PLD1: variants seen among roughly 807,000 people sequenced by gnomAD.
The protein encoded by PLD1 is choline phosphatase 1.
Under a neutral mutation model 137.1 loss-of-function variants are expected in PLD1, and 112 were observed. The observed-to-expected ratio is 0.82, with a 90% CI of 0.70 to 0.96. The LOEUF is 0.96. PLD1 is among the 40% of genes least tolerant of loss of function. The pLI, the probability that PLD1 is intolerant of heterozygous loss-of-function variation, is 0.00. For synonymous variants in PLD1, 431 were observed against 454.7 expected, an observed-to-expected ratio of 0.95 and a Z score of 0.66; for missense variants, 1,321 against 1,342.0, an observed-to-expected ratio of 0.98 and a Z score of 0.24.
At chr3:171,782,810 TAAAGAAGG>T (rs1722844361) in intron 1 of PLD1, among the ~76,000 whole-genome samples, 1 of 152,108 alleles carries the variant, frequency 6.6e-6, no homozygotes, top group Non-Finnish European at 1.5e-5. Context: ...GAGGTATTTG[TAAAGAAGG>T]AAGACATTAT....
At chr3:171,756,580 G>C (rs1721049185) in intron 1 of PLD1, among the ~76,000 whole-genome samples, 1 of 152,162 alleles carries the variant, frequency 6.6e-6, no homozygotes, top group Admixed American at 6.5e-5. Context: ...GGGTAATGAA[G>C]AACATGCCAG....
chr3:171,747,000 T>C (rs953633833), intron 1 of PLD1, among the ~76,000 whole-genome samples: 1 of 152,206 alleles, frequency 6.6e-6, no homozygotes, highest in Non-Finnish European at 1.5e-5. Flanking sequence ...GTTTTACTTC[T>C]CAGGCCAGCA....
chr3:171,706,724 T>C (rs1184351763), intron 11 of PLD1, among the ~76,000 whole-genome samples: 3 of 152,226 alleles, frequency 2.0e-5, no homozygotes, highest in Non-Finnish European at 4.4e-5. Flanking sequence ...TGCAATATGC[T>C]TGTACAACAA....
intron 1 of PLD1, among the ~76,000 whole-genome samples, chr3:171,756,462 C>G (rs1721035320): frequency 6.6e-6 from 1 of 152,068 alleles, no homozygotes; most frequent in Non-Finnish European, 1.5e-5. Context: ...TTAATGGGAC[C>G]ACCAGAATTC....
rs1263892407 is a variant in PLD1 at position 171,628,575 on chromosome 3, A to C, written c.2594-8055T>G. On this transcript the variant is annotated intron_variant, in intron 23 of 26. Coordinates refer to ENST00000351298, the MANE Select transcript of PLD1 (RefSeq NM_002662.5). ...CACAACCAAAAAAGAGAATTTTAGAACAATATCCTTGATGAACATTGATGC... is the reference window on the plus strand; with the variant it reads ...CACAACCAAAAAAGAGAATTTTAGACCAATATCCTTGATGAACATTGATGC... Among the ~76,000 whole-genome samples, 6 of 151,734 alleles carry C rather than the reference A, an allele frequency of 4.0e-5. No individual in the cohort carries two copies. In the South Asian group the frequency reaches 8.4e-4, roughly 21 times the overall value.
intron 5 of PLD1, among the ~76,000 whole-genome samples, chr3:171,734,185 G>A (rs143855263): frequency 3.3e-5 from 5 of 152,242 alleles, no homozygotes; most frequent in African/African-American, 7.2e-5. Flanking sequence ...AAAATATTTG[G>A]TCCAGATGCC....
intron 18 of PLD1, among the ~76,000 whole-genome samples, chr3:171,676,353 C>T (rs993027015): frequency 2.0e-5 from 3 of 151,830 alleles, no homozygotes; most frequent in African/African-American, 7.3e-5. Context: ...AAGCTCAAGC[C>T]CTCTCATCTA....
In PLD1 at chr3:171,676,846, AC is replaced by A; in HGVS notation, c.1997-14del. On this transcript the variant is annotated splice_polypyrimidine_tract_variant and intron_variant, in intron 17 of 26. Transcript: ENST00000351298. ...CTGTCAATGAAATCTGCCCGGGTGCACCAGGCAAGGATCAGTCATTAACTTC... is the reference window on the plus strand; with the variant it reads ...CTGTCAATGAAATCTGCCCGGGTGCACAGGCAAGGATCAGTCATTAACTTC... 1 of 1,567,992 alleles carries A rather than the reference AC, an allele frequency of 6.4e-7. No individual in the cohort carries two copies.
chr3:171,732,909 C>T (rs1470419302), intron 6 of PLD1, among the ~76,000 whole-genome samples: 1 of 152,178 alleles, frequency 6.6e-6, no homozygotes, highest in Non-Finnish European at 1.5e-5. Context: ...AGCCCCATCG[C>T]CTCTTCTTTC....
At chr3:171,727,928 T>C (rs1015721618) in intron 6 of PLD1, among the ~76,000 whole-genome samples, 3 of 152,234 alleles carry the variant, frequency 2.0e-5, no homozygotes, top group African/African-American at 7.2e-5. Flanking sequence ...AAAATAGGTC[T>C]TTAAAATTCA....
At position 171,735,501 on chromosome 3, in the gene PLD1, G is replaced by C. The variant is rs866028427; in HGVS notation, c.425C>G (p.Pro142Arg). The change falls in exon 4 of 27, where the codon CCC becomes CGC. Residue 142 changes from proline (P) to arginine (R), a missense_variant. Physicochemically the swap from Pro to Arg is moderately radical, Grantham distance 103. Transcript: ENST00000351298. The part of the protein sequence containing the change: ...KYKAFIRIPI[P>R]TRRHTFRRQN... Reference sequence around the variant, plus strand: ...ATTCCAAAATGGTTACCTTCTAGTGGGAATGGGGATGCGGATAAAGGCTTT... The same window carrying C: ...ATTCCAAAATGGTTACCTTCTAGTGCGAATGGGGATGCGGATAAAGGCTTT... 6.2e-7 allele frequency: 1 copy of C among 1,613,076 alleles called. No individual in the cohort carries two copies. Among genetic ancestry groups the C allele is most frequent in the Non-Finnish European group, 8.5e-7 (1 of 1,179,218 alleles).
At chr3:171,766,723 C>G (rs1722001136) in intron 1 of PLD1, among the ~76,000 whole-genome samples, 1 of 152,112 alleles carries the variant, frequency 6.6e-6, no homozygotes, top group African/African-American at 2.4e-5. Context: ...AAATTTAAAT[C>G]TATTGACTTT....
intron 23 of PLD1, 68 bp from the exon 24 acceptor site, chr3:171,620,588 T>C (rs1390370333): frequency 9.6e-6 from 9 of 933,194 alleles, no homozygotes; most frequent in East Asian, 2.5e-5. Flanking sequence ...TTAAATCTTA[T>C]TGTTTCTCAA....
At chr3:171,605,438 C>T (rs754918322) in intron 25 of PLD1, 22 bp from the exon 26 acceptor site, 27 of 1,329,506 alleles carry the variant, frequency 2.0e-5, no homozygotes, top group Non-Finnish European at 2.8e-5. Flanking sequence ...GTGACCTCCA[C>T]ATTGAGTAAC....
chr3:171,685,755 T>G (rs1026977974), intron 16 of PLD1, among the ~76,000 whole-genome samples: 1 of 152,220 alleles, frequency 6.6e-6, no homozygotes, highest in Non-Finnish European at 1.5e-5. Context: ...GAGTATCTTC[T>G]TACCAAAGGC....
chr3:171,604,274 A>G (rs1285148405), intron 26 of PLD1, among the ~76,000 whole-genome samples: 1 of 150,874 alleles, frequency 6.6e-6, no homozygotes, highest in Admixed American at 6.6e-5. Context: ...AGATCATGCC[A>G]CTGCACTCCA....
chr3:171,733,738 T>A (rs1485439573), intron 5 of PLD1, among the ~76,000 whole-genome samples: 1 of 152,244 alleles, frequency 6.6e-6, no homozygotes, highest in South Asian at 2.1e-4. Flanking sequence ...ACTTTCCATA[T>A]GCTTAGGTCT....
At chr3:171,604,024 C>T (rs1418342220) in intron 26 of PLD1, among the ~76,000 whole-genome samples, 1 of 152,062 alleles carries the variant, frequency 6.6e-6, no homozygotes, top group Admixed American at 6.6e-5. Context: ...GGCCTTCGGT[C>T]CATGAAATAA....
Position 171,712,805 on chromosome 3 carries a change from T to C in PLD1, c.911+1088A>G, listed in dbSNP as rs184663094. Reference sequence around the variant, plus strand: ...GTGGCCAGACTTCTGTGGCTCACTGTAAAACAGGAATGCAGGAGGAAGGTG... The same window carrying C: ...GTGGCCAGACTTCTGTGGCTCACTGCAAAACAGGAATGCAGGAGGAAGGTG... On this transcript the variant is annotated intron_variant, in intron 9 of 26. Coordinates refer to ENST00000351298, the MANE Select transcript of PLD1 (RefSeq NM_002662.5). Among the ~76,000 whole-genome samples the C allele has an allele frequency of 5.9e-5, 9 of 152,282 alleles. No homozygotes were observed. In the East Asian group the frequency reaches 1.7e-3, roughly 29 times the overall value.
Sources: allele counts gnomAD v4.1 joint callset (sites outside exome capture counted in the v4.1 genomes callset), GRCh38; gene constraint gnomAD v4.1.1; transcripts MANE v1.5; gene names NCBI Gene and HGNC (gene_info 2026-07-23, HGNC 2026-07-21).